The following ZNF385D variants were observed in gnomAD, a reference collection of about 807,000 sequenced individuals.
ZNF385D encodes the protein zinc finger protein 385D.
In ZNF385D, 15 loss-of-function variants were observed where a neutral mutation model predicts 35.8. That is an observed-to-expected ratio of 0.42 (90% CI 0.28 to 0.64). The LOEUF (loss-of-function observed/expected upper bound fraction) is 0.64, where lower values mean the gene tolerates loss of function less well. ZNF385D is among the 30% of genes least tolerant of loss of function. ZNF385D has a pLI of 0.23. For missense variants in ZNF385D, 474 were observed against 494.6 expected, an observed-to-expected ratio of 0.96 and a Z score of 0.39; for synonymous variants, 212 against 186.8, an observed-to-expected ratio of 1.13 and a Z score of -1.10.
chr3:22,150,417 G>C (rs1576406721), intron 3 of ZNF385D, among the ~76,000 whole-genome samples: 1 of 151,980 alleles, frequency 6.6e-6, no homozygotes, highest in Non-Finnish European at 1.5e-5. Context: ...GAAACAAAGT[G>C]TTAGATGCTT....
chr3:22,048,457 G>C (rs1011754615), intron 3 of ZNF385D, among the ~76,000 whole-genome samples: 1 of 152,026 alleles, frequency 6.6e-6, no homozygotes, highest in African/African-American at 2.4e-5. Context: ...TTATTATTTT[G>C]CATGTGAATG....
At chr3:22,068,940 C>A (rs549751230) in intron 3 of ZNF385D, among the ~76,000 whole-genome samples, 2 of 152,298 alleles carry the variant, frequency 1.3e-5, no homozygotes, top group African/African-American at 2.4e-5. Context: ...GGTACAGACA[C>A]TTCCAGATGA....
rs565832706 is a variant in ZNF385D, at chr3:22,067,921, G to T, written c.325+100896C>A. Among the ~76,000 whole-genome samples, 11 of 152,050 alleles carry T rather than the reference G, an allele frequency of 7.2e-5. No homozygotes were observed. In the East Asian group the frequency reaches 2.1e-3, roughly 30 times the overall value. On this transcript the variant is annotated intron_variant, in intron 3 of 5. Coordinates refer to the ZNF385D transcript ENST00000494108. ...TGTAGCACTTGGGAGGCTGAGGCGG[G>T]AGAATTGCTTGAACCCGGGAGGCAG...
rs80003932 is a variant in ZNF385D, at chr3:21,713,096, C to T, written c.22+37799G>A. Reference sequence around the variant, plus strand: ...ACTGATGAAGAAGGCCAAGAGAATACCCTATGCACTTAAATTAAGATGGCT... The same window carrying T: ...ACTGATGAAGAAGGCCAAGAGAATATCCTATGCACTTAAATTAAGATGGCT... On this transcript the variant is annotated intron_variant, in intron 1 of 7. Transcript: ENST00000281523. 4.8e-3 allele frequency among the ~76,000 whole-genome samples: 725 copies of T among 152,286 alleles called. 8 individuals are homozygous for T. The highest frequency in any genetic ancestry group is 0.017 in the African/African-American group (686 of 41,564).
At chr3:22,061,500 T>C (rs1167332218) in intron 3 of ZNF385D, among the ~76,000 whole-genome samples, 1 of 152,034 alleles carries the variant, frequency 6.6e-6, no homozygotes, top group East Asian at 1.9e-4. Flanking sequence ...CTTAAAAGTA[T>C]ACCAGATTAT....
At chr3:21,583,959 C>CTTATTTACTTATTTATTTAT (rs1553617430) in intron 2 of ZNF385D, among the ~76,000 whole-genome samples, 1 of 138,306 alleles carries the variant, frequency 7.2e-6, no homozygotes, top group African/African-American at 2.8e-5. Context: ...TACTTATTTA[C>CTTATTTACTTATTTATTTAT]TTATTTATTT....
chr3:22,183,392 C>T (rs1424204387), intron 2 of ZNF385D, among the ~76,000 whole-genome samples: 3 of 151,754 alleles, frequency 2.0e-5, no homozygotes, highest in African/African-American at 4.8e-5. Flanking sequence ...ACTCTGTCGC[C>T]CAGGCTGGAG....
intron 2 of ZNF385D, chr3:21,579,752 G>T (rs1338169650): frequency 3.1e-5 from 1 of 31,946 alleles, no homozygotes; most frequent in Non-Finnish European, 6.7e-5. Context: ...TCTGAAACCT[G>T]TAGGGGAACA....
intron 3 of ZNF385D, among the ~76,000 whole-genome samples, chr3:21,538,393 A>C (rs2878566): frequency 1.3e-5 from 2 of 152,020 alleles, no homozygotes; most frequent in South Asian, 2.1e-4. Flanking sequence ...GAGAGAATAT[A>C]TCTCTCTTCA....
intron 7 of ZNF385D, among the ~76,000 whole-genome samples, chr3:21,423,342 T>A (rs1204933978): frequency 6.6e-6 from 1 of 152,224 alleles, no homozygotes; most frequent in East Asian, 1.9e-4. Context: ...CAATTTAGCT[T>A]ATGTTATAGA....
intron 3 of ZNF385D, among the ~76,000 whole-genome samples, chr3:22,115,277 T>C (rs934065875): frequency 6.6e-6 from 1 of 152,062 alleles, no homozygotes; most frequent in African/African-American, 2.4e-5. Flanking sequence ...TAGAGAAAAT[T>C]GAAACAGAGA....
chr3:21,607,103 T>C (rs1463291553), intron 2 of ZNF385D, among the ~76,000 whole-genome samples: 1 of 152,218 alleles, frequency 6.6e-6, no homozygotes, highest in Non-Finnish European at 1.5e-5. Flanking sequence ...TCTAAGTGTG[T>C]TCTGTTCTCA....
chr3:22,297,625 CA>C (rs552067553), intron 2 of ZNF385D, among the ~76,000 whole-genome samples: 211 of 152,174 alleles, frequency 1.4e-3, no homozygotes, highest in African/African-American at 4.5e-3. Context: ...AGGAGTGGAG[CA>C]ATGAGTAATC....
chr3:21,594,338 C>T (rs1423281192), intron 2 of ZNF385D, among the ~76,000 whole-genome samples: 13 of 152,088 alleles, frequency 8.5e-5, no homozygotes, highest in Admixed American at 8.5e-4. Context: ...GTCTGACTCC[C>T]CAGAAGCTGA....
At chr3:22,085,183 C>T (rs985674309) in intron 3 of ZNF385D, among the ~76,000 whole-genome samples, 6 of 151,866 alleles carry the variant, frequency 4.0e-5, no homozygotes, top group East Asian at 3.9e-4. Flanking sequence ...GAAGCAAGAG[C>T]GAACAAATTC....
intron 2 of ZNF385D, among the ~76,000 whole-genome samples, chr3:21,644,127 TTAC>T (rs1419075766): frequency 1.3e-5 from 2 of 152,110 alleles, no homozygotes; most frequent in African/African-American, 4.8e-5. Flanking sequence ...CAAACTAATT[TTAC>T]TACAGGCTAA....
intron 3 of ZNF385D, among the ~76,000 whole-genome samples, chr3:21,996,074 G>A (rs1489956938): frequency 6.6e-6 from 1 of 152,108 alleles, no homozygotes; most frequent in Non-Finnish European, 1.5e-5. Context: ...TTGTGCCCCA[G>A]GGTAGGATAT....
At chr3:21,805,093 GACTCTAATT>G (rs1249524396) in intron 3 of ZNF385D, among the ~76,000 whole-genome samples, 3 of 152,192 alleles carry the variant, frequency 2.0e-5, no homozygotes. Context: ...TAAGGAAAGT[GACTCTAATT>G]ACCGGCTTTT....
intron 3 of ZNF385D, among the ~76,000 whole-genome samples, chr3:22,076,426 T>A (rs751950486): frequency 2.6e-5 from 4 of 151,858 alleles, no homozygotes; most frequent in Admixed American, 6.6e-5. Flanking sequence ...TTCCCCCACA[T>A]CCTATTTTTT....
Sources: allele counts gnomAD v4.1 joint callset (sites outside exome capture counted in the v4.1 genomes callset), GRCh38; gene constraint gnomAD v4.1.1; transcripts MANE v1.5; gene names NCBI Gene and HGNC (gene_info 2026-07-23, HGNC 2026-07-21).